The following MACROD2 variants were observed in gnomAD, a reference collection of about 807,000 sequenced individuals.
MACROD2 encodes the protein ADP-ribose glycohydrolase MACROD2.
MACROD2 carries 36 observed loss-of-function variants against 70.4 expected under a neutral mutation model. The observed-to-expected ratio is 0.51, with a 90% CI of 0.39 to 0.68. MACROD2 has a LOEUF of 0.68. Ranked by LOEUF, MACROD2 falls within the 30% of genes least tolerant of loss-of-function variation. MACROD2 has a pLI of 0.00. For synonymous variants in MACROD2, 172 were observed against 178.8 expected (o/e 0.96, Z 0.30); for missense variants, 496 against 538.4 (o/e 0.92, Z 0.78).
chr20:15,188,436 G>A (rs1338692286), intron 5 of MACROD2, among the ~76,000 whole-genome samples: 2 of 152,198 alleles, frequency 1.3e-5, no homozygotes, highest in Non-Finnish European at 2.9e-5. Context: ...AGGGTTAGCC[G>A]ATTCTAATCA....
intron 17 of MACROD2, among the ~76,000 whole-genome samples, chr20:16,047,535 C>T (rs1175949405): frequency 1.3e-5 from 2 of 152,268 alleles, no homozygotes; most frequent in South Asian, 2.1e-4. Context: ...TTGTAACTTC[C>T]GTTTTTGCAC....
At chr20:14,560,230 G>A (rs1241922251) in intron 4 of MACROD2, among the ~76,000 whole-genome samples, 1 of 151,534 alleles carries the variant, frequency 6.6e-6, no homozygotes, top group African/African-American at 2.4e-5. Context: ...AAAAGCATGA[G>A]TTTTTGCAGC....
At position 14,499,706 on chromosome 20, in the gene MACROD2, C is replaced by G. The variant is rs116663115; in HGVS notation, c.301+6198C>G. ...TGAGTTACACACTGAGCCAACCTACCTTTGCCCTCCCTCCTTCCCTCCTCC... is the reference window on the plus strand; with the variant it reads ...TGAGTTACACACTGAGCCAACCTACGTTTGCCCTCCCTCCTTCCCTCCTCC... On this transcript the variant is annotated intron_variant, in intron 4 of 17. Transcript: ENST00000684519. Among the ~76,000 whole-genome samples, 959 of 152,114 alleles carry G rather than the reference C, an allele frequency of 6.3e-3. 13 individuals carry two copies. The highest frequency in any genetic ancestry group is 0.023 in the African/African-American group (934 of 41,510).
chr20:14,873,706 A>G (rs965642652), intron 5 of MACROD2, among the ~76,000 whole-genome samples: 1 of 151,998 alleles, frequency 6.6e-6, no homozygotes, highest in Non-Finnish European at 1.5e-5. Context: ...TAAAAATACA[A>G]AAATTAGCCA....
chr20:14,689,745 A>C lies in MACROD2; in HGVS notation c.418+4786A>C, dbSNP rs559522934. Among the ~76,000 whole-genome samples, 60 of 152,086 alleles carry C rather than the reference A, an allele frequency of 3.9e-4. No individual in the cohort carries two copies. In the Middle Eastern group the frequency reaches 0.01, roughly 26 times the overall value. On this transcript the variant is annotated intron_variant, in intron 5 of 17. Coordinates refer to ENST00000684519, the MANE Select transcript of MACROD2 (RefSeq NM_001351661.2). ...TAAAAATGCCTTCTTTTTTCTTCAC[A>C]CTCCAGAATACTTCATGTTAACATA...
At chr20:14,389,378 C>T (rs577348477) in intron 3 of MACROD2, among the ~76,000 whole-genome samples, 9 of 146,304 alleles carry the variant, frequency 6.2e-5, no homozygotes, top group Non-Finnish European at 6.0e-5. Flanking sequence ...GCTGAGATTG[C>T]GCCACTGCAC....
chr20:14,964,972 T>A (rs1257312940), intron 5 of MACROD2, among the ~76,000 whole-genome samples: 2 of 152,294 alleles, frequency 1.3e-5, no homozygotes, highest in Middle Eastern at 6.8e-3. Context: ...TTTTGTTAAG[T>A]ATTGAGGGAT....
chr20:15,709,488 C>T (rs1034411109), intron 8 of MACROD2, among the ~76,000 whole-genome samples: 1 of 151,900 alleles, frequency 6.6e-6, no homozygotes, highest in African/African-American at 2.4e-5. Context: ...TACTGAGACC[C>T]TGCCTCTACA....
chr20:15,116,133 C>T (rs1313630717), intron 5 of MACROD2, among the ~76,000 whole-genome samples: 1 of 152,124 alleles, frequency 6.6e-6, no homozygotes, highest in African/African-American at 2.4e-5. Flanking sequence ...GAAGTTTCTC[C>T]CTCTTGTATC....
rs555421224 is a variant in MACROD2, at chr20:15,856,044, G to A, written c.646-6701G>A. ...TAGGTTCTACTAGGTATCTATGTAG[G>A]AGTGAAATTGCTAGGTTATAAGACA... On this transcript the variant is annotated intron_variant, in intron 8 of 17. Transcript: ENST00000684519. 2.3e-4 allele frequency among the ~76,000 whole-genome samples: 35 copies of A among 152,230 alleles called. 1 individual carries two copies. In the South Asian group the frequency reaches 6.6e-3, roughly 29 times the overall value.
Position 15,124,363 on chromosome 20 carries a change from T to TTC in MACROD2, c.419-105577_419-105576insTC, listed in dbSNP as rs56856099. ...TTTAATTTCCTAGTTTTTTTTTTTT[T>TTC]CTAAAAAAAAGGCAAAGATAAAATT... On this transcript the variant is annotated intron_variant, in intron 5 of 17. Transcript: ENST00000684519. 4.0e-5 allele frequency among the ~76,000 whole-genome samples: 6 copies of TTC among 150,938 alleles called. No homozygotes were observed. The East Asian group carries it at 1.2e-3, about 29-fold the overall frequency.
chr20:15,099,788 G>T (rs2075858658), intron 5 of MACROD2, among the ~76,000 whole-genome samples: 1 of 152,020 alleles, frequency 6.6e-6, no homozygotes, highest in South Asian at 2.1e-4. Flanking sequence ...GATAGGAGAG[G>T]TACAGAGAAA....
intron 6 of MACROD2, among the ~76,000 whole-genome samples, chr20:15,310,860 TG>T: frequency 6.6e-6 from 1 of 152,178 alleles, no homozygotes; most frequent in Admixed American, 6.5e-5. Flanking sequence ...CTAGCCCGTT[TG>T]CACTATATCC....
At chr20:14,046,465 C>T (rs1409307260) in intron 2 of MACROD2, among the ~76,000 whole-genome samples, 1 of 152,158 alleles carries the variant, frequency 6.6e-6, no homozygotes, top group East Asian at 1.9e-4. Context: ...TTATAAACAA[C>T]TGCTTTTGAG....
intron 5 of MACROD2, among the ~76,000 whole-genome samples, chr20:15,132,409 G>A (rs1178660791): frequency 6.6e-6 from 1 of 151,966 alleles, no homozygotes; most frequent in Non-Finnish European, 1.5e-5. Context: ...TAACTTGATA[G>A]CCAGTTGGTT....
intron 5 of MACROD2, among the ~76,000 whole-genome samples, chr20:15,213,854 G>C (rs969206131): frequency 1.3e-5 from 2 of 151,792 alleles, no homozygotes; most frequent in African/African-American, 2.4e-5. Flanking sequence ...GAAGGACAGT[G>C]CTCTTTCTAT....
intron 5 of MACROD2, chr20:15,021,407 T>C (rs1838508445): frequency 6.7e-6 from 1 of 149,538 alleles, no homozygotes; most frequent in South Asian, 2.1e-4. Flanking sequence ...TATATGTGTA[T>C]ATGTATATGC....
At chr20:15,822,755 C>G (rs1051537938) in intron 8 of MACROD2, among the ~76,000 whole-genome samples, 1 of 151,940 alleles carries the variant, frequency 6.6e-6, no homozygotes, top group South Asian at 2.1e-4. Context: ...TTCAATCTGG[C>G]CTTTTGCGGG....
intron 5 of MACROD2, among the ~76,000 whole-genome samples, chr20:14,732,635 C>A (rs747780156): frequency 1.3e-5 from 2 of 152,150 alleles, no homozygotes; most frequent in Non-Finnish European, 2.9e-5. Flanking sequence ...GCCCGTATCT[C>A]AGGAGGAATT....
Sources: gnomAD v4.1 joint callset for allele counts (sites outside exome capture counted in the v4.1 genomes callset) on GRCh38, gnomAD v4.1.1 for gene constraint, MANE v1.5 for transcripts, NCBI Gene and HGNC (gene_info 2026-07-23, HGNC 2026-07-21) for gene names.